The following NCALD variants were observed in gnomAD, a reference collection of about 807,000 sequenced individuals.
NCALD encodes the protein neurocalcin-delta.
A neutral mutation model predicts 18.6 loss-of-function variants in NCALD; 10 were observed. That is an observed-to-expected ratio of 0.54 (90% CI 0.33 to 0.91). The LOEUF is 0.91. Ranked by LOEUF, NCALD falls within the 40% of genes least tolerant of loss-of-function variation. The pLI, the probability that NCALD is intolerant of heterozygous loss-of-function variation, is 0.03. For synonymous variants in NCALD, 88 were observed against 87.4 expected (o/e 1.01, Z -0.04); for missense variants, 184 against 247.6 (o/e 0.74, Z 1.72).
chr8:101,892,915 T>A (rs1816969892), intron 3 of NCALD, among the ~76,000 whole-genome samples: 1 of 149,310 alleles, frequency 6.7e-6, no homozygotes, highest in South Asian at 2.1e-4. Flanking sequence ...ATGGGGAGAA[T>A]GGAACCAAGC....
At chr8:101,710,034 C>T (rs756647183) in intron 2 of NCALD, among the ~76,000 whole-genome samples, 7 of 152,340 alleles carry the variant, frequency 4.6e-5, no homozygotes, top group Non-Finnish European at 7.3e-5. Flanking sequence ...GCAAGACCAA[C>T]GCAGAAGATG....
chr8:101,793,167 G>A (rs906667508), upstream of NCALD, among the ~76,000 whole-genome samples: 27 of 152,024 alleles, frequency 1.8e-4, no homozygotes, highest in African/African-American at 1.2e-4. Context: ...TGGCTAACAC[G>A]GTGAAACCCC....
chr8:101,709,189 T>A (rs1344714001), intron 2 of NCALD, among the ~76,000 whole-genome samples: 2 of 152,224 alleles, frequency 1.3e-5, no homozygotes, highest in Non-Finnish European at 2.9e-5. Context: ...CTGGTTACTT[T>A]GGGTACGCCC....
Position 101,701,458 on chromosome 8 carries a change from A to T in NCALD, c.379-8562T>A, listed in dbSNP as rs565151075. ...AATGCAGAGCTTTGGGACACCCAGG[A>T]GCCCAGCCCTGACTCTGCCCCAGCC... On this transcript the variant is annotated intron_variant, in intron 2 of 3. Transcript: ENST00000220931. 1.1e-4 allele frequency among the ~76,000 whole-genome samples: 17 copies of T among 152,316 alleles called. No individual in the cohort carries two copies. The East Asian group carries it at 3.3e-3, about 29-fold the overall frequency.
intron 2 of NCALD, among the ~76,000 whole-genome samples, chr8:101,999,045 A>T (rs1821342516): frequency 6.7e-6 from 1 of 149,864 alleles, no homozygotes; most frequent in South Asian, 2.1e-4. Context: ...ATGAGGGGGA[A>T]AAAATCATAC....
intron 1 of NCALD, among the ~76,000 whole-genome samples, chr8:102,080,561 G>T (rs183272430): frequency 8.5e-5 from 13 of 152,338 alleles, no homozygotes; most frequent in Admixed American, 7.2e-4. Context: ...TGGTTAGGGA[G>T]AAGGAATTTA....
chr8:102,002,456 T>TAGACAG (rs1821512461), intron 2 of NCALD, among the ~76,000 whole-genome samples: 1 of 152,108 alleles, frequency 6.6e-6, no homozygotes, highest in Non-Finnish European at 1.5e-5. Context: ...CTGTCAACAT[T>TAGACAG]AGACAGATCA....
At chr8:101,806,309 A>G (rs1813099191) in intron 4 of NCALD, among the ~76,000 whole-genome samples, 1 of 152,162 alleles carries the variant, frequency 6.6e-6, no homozygotes, top group Admixed American at 6.5e-5. Flanking sequence ...GAGACATCCA[A>G]AGAAAAAGGA....
intron 2 of NCALD, among the ~76,000 whole-genome samples, chr8:101,946,632 T>A (rs976708322): frequency 5.3e-5 from 8 of 152,026 alleles, no homozygotes; most frequent in African/African-American, 1.9e-4. Flanking sequence ...AGAACAAACA[T>A]CAAATTTATG....
intron 1 of NCALD, among the ~76,000 whole-genome samples, chr8:102,107,231 TATATATATAC>T (rs1163199783): frequency 7.6e-4 from 81 of 107,200 alleles, no homozygotes; most frequent in African/African-American, 1.7e-3. Context: ...TATATATATA[TATATATATAC>T]ACATAGAAAT....
chr8:101,953,313 A>G (rs537620910), intron 2 of NCALD, among the ~76,000 whole-genome samples: 1 of 152,340 alleles, frequency 6.6e-6, no homozygotes, highest in East Asian at 1.9e-4. Flanking sequence ...GGAGGCACAA[A>G]GTTGCCACAG....
At chr8:101,703,896 G>A (rs1474298730) in intron 2 of NCALD, among the ~76,000 whole-genome samples, 1 of 152,124 alleles carries the variant, frequency 6.6e-6, no homozygotes, top group Non-Finnish European at 1.5e-5. Context: ...CAAGTCCTGG[G>A]AAGAAACTAC....
intron 2 of NCALD, among the ~76,000 whole-genome samples, chr8:102,012,576 T>C (rs190173532): frequency 1.2e-3 from 189 of 152,372 alleles, no homozygotes; most frequent in African/African-American, 4.4e-3. Flanking sequence ...GGATGTGTAA[T>C]CACAGGAGCT....
intron 1 of NCALD, among the ~76,000 whole-genome samples, chr8:101,747,267 A>G (rs994094667): frequency 6.6e-6 from 1 of 152,166 alleles, no homozygotes; most frequent in Non-Finnish European, 1.5e-5. Context: ...TCTTTTTGCC[A>G]AGAATTGGTT....
chr8:101,773,961 G>A (rs1811689706), intron 1 of NCALD, among the ~76,000 whole-genome samples: 2 of 152,078 alleles, frequency 1.3e-5, no homozygotes, highest in African/African-American at 4.8e-5. Context: ...CTTAAACGTA[G>A]GTAATGAAAA....
chr8:102,055,927 AG>A (rs1490375019), intron 1 of NCALD, among the ~76,000 whole-genome samples: 1 of 152,174 alleles, frequency 6.6e-6, no homozygotes, highest in Non-Finnish European at 1.5e-5. Flanking sequence ...AATTCATCAC[AG>A]GGAGCTCATG....
intron 4 of NCALD, among the ~76,000 whole-genome samples, chr8:101,809,225 G>C (rs1051383286): frequency 4.6e-5 from 7 of 152,160 alleles, no homozygotes; most frequent in African/African-American, 1.7e-4. Context: ...CCTGGACATG[G>C]AAGAGTCATA....
At chr8:101,712,017 G>T (rs571651391) in intron 2 of NCALD, among the ~76,000 whole-genome samples, 1 of 152,322 alleles carries the variant, frequency 6.6e-6, no homozygotes, top group East Asian at 1.9e-4. Flanking sequence ...AGGGCAGCCA[G>T]AAAGAAAGGC....
chr8:101,700,587 G>A lies in NCALD; in HGVS notation c.379-7691C>T, dbSNP rs77162372. Among the ~76,000 whole-genome samples the A allele has an allele frequency of 9.7e-4, 148 of 152,260 alleles. 1 individual carries two copies. In the East Asian group the frequency reaches 0.026, roughly 27 times the overall value. The stretch of plus-strand genomic sequence containing the variant: ...TTTGGACCTTTCAGCCTCTAAGGTT[G>A]TGGCCCACGAAATTCTTCTTCTTGG... On this transcript the variant is annotated intron_variant, in intron 2 of 3. Coordinates refer to ENST00000220931, the MANE Select transcript of NCALD (RefSeq NM_032041.3).
Sources: gnomAD v4.1 joint callset for allele counts (sites outside exome capture counted in the v4.1 genomes callset) on GRCh38, gnomAD v4.1.1 for gene constraint, MANE v1.5 for transcripts, NCBI Gene and HGNC (gene_info 2026-07-23, HGNC 2026-07-21) for gene names.